The following KCNQ1 variants were observed in gnomAD, a reference collection of about 807,000 sequenced individuals.
The protein encoded by KCNQ1 is potassium voltage-gated channel subfamily Q member 1, also known as potassium voltage-gated channel subfamily KQT member 1.
A neutral mutation model predicts 72.4 loss-of-function variants in KCNQ1; 49 were observed. The ratio of observed to expected loss-of-function variants is 0.68; its 90% confidence interval spans 0.54 to 0.86. The LOEUF is 0.86. Ranked by LOEUF, KCNQ1 falls within the 40% of genes least tolerant of loss-of-function variation. The pLI is 0.00. For missense variants in KCNQ1, 790 were observed against 945.1 expected, an observed-to-expected ratio of 0.84 and a Z score of 2.15; for synonymous variants, 450 against 412.6, an observed-to-expected ratio of 1.09 and a Z score of -1.10.
intron 7 of KCNQ1, 31 bp downstream of exon 7, chr11:2,583,576 C>A: frequency 6.8e-7 from 1 of 1,476,654 alleles, no homozygotes; most frequent in South Asian, 1.1e-5. Context: ...TTTTCCCTGG[C>A]TCCTTGGACA....
chr11:2,589,296 G>C (rs866465173), intron 10 of KCNQ1, among the ~76,000 whole-genome samples: 1 of 152,234 alleles, frequency 6.6e-6, no homozygotes, highest in East Asian at 1.9e-4. Context: ...GTAAAACGTG[G>C]GGGGCCTGAC....
chr11:2,478,148 G>A lies in KCNQ1; in HGVS notation c.386+32664G>A, dbSNP rs1846599731. 6.6e-6 allele frequency among the ~76,000 whole-genome samples: 1 copy of A among 151,696 alleles called. No homozygotes were observed. The highest frequency in any genetic ancestry group is 2.4e-5 in the African/African-American group (1 of 41,286). On this transcript the variant is annotated intron_variant, in intron 1 of 15. Transcript: ENST00000155840. The surrounding 1 kb of genome is among the most constrained non-coding windows in gnomAD (Gnocchi z 4.0). ...TCCTGCCAAAGACACAGCTGTCCAG[G>A]GTCGAATCATCCGGAGACACAGGGC...
Position 2,620,199 on chromosome 11 carries a change from G to GTATATATATA in KCNQ1, c.1393+31349_1393+31358dup, listed in dbSNP as rs140322945. ...CTGCAAAGGACGTAAGTTCATTCAT[G>GTATATATATA]TATATATATATATTTTTTTTTTTTA... On this transcript the variant is annotated intron_variant, in intron 10 of 15. Transcript: ENST00000155840. The surrounding 1 kb of genome is among the most constrained non-coding windows in gnomAD (Gnocchi z 4.5). The GTATATATATA allele has an allele frequency of 8.5e-5, 25 of 295,270 alleles. No homozygotes were observed. Among genetic ancestry groups the GTATATATATA allele is most frequent in the Non-Finnish European group, 1.3e-4 (23 of 178,544 alleles). 18.3% of individuals were successfully genotyped at this position (295,270 alleles called of 1,614,324 possible). A position where few individuals can be genotyped will look rare whatever the true frequency, so the allele number is the denominator to read the frequency against.
chr11:2,779,522 GC>G (rs1000837133), intron 15 of KCNQ1, among the ~76,000 whole-genome samples: 16 of 151,960 alleles, frequency 1.1e-4, no homozygotes, highest in African/African-American at 3.6e-4. Flanking sequence ...AGTGTCGGTG[GC>G]CCTTTCTGGA....
At chr11:2,501,318 A>C (rs1847006749) in intron 1 of KCNQ1, among the ~76,000 whole-genome samples, 1 of 94,404 alleles carries the variant, frequency 1.1e-5, no homozygotes. Context: ...GATCCAAGTA[A>C]CTAAAGTCAG....
chr11:2,751,475 T>C (rs551377190), intron 11 of KCNQ1, among the ~76,000 whole-genome samples: 147 of 152,366 alleles, frequency 9.6e-4, no homozygotes, highest in South Asian at 8.9e-3. Context: ...CCCTCTCTCC[T>C]GACGCGGGGA....
intron 11 of KCNQ1, among the ~76,000 whole-genome samples, chr11:2,738,928 C>T (rs575709104): frequency 3.9e-5 from 6 of 152,166 alleles, no homozygotes; most frequent in African/African-American, 1.4e-4. Flanking sequence ...GGTGGGTGAG[C>T]GAGGTGCAGG....
rs1849209751 is a variant in KCNQ1 at position 2,623,541 on chromosome 11, C to T, written c.1393+34687C>T. The stretch of plus-strand genomic sequence containing the variant: ...TACAGTATGTAGTTTCTTCAGATTG[C>T]CTTATTTCACATAGTAATATGTTTT... On this transcript the variant is annotated intron_variant, in intron 10 of 15. Coordinates refer to ENST00000155840, the MANE Select transcript of KCNQ1 (RefSeq NM_000218.3). The surrounding 1 kb of genome is among the most constrained non-coding windows in gnomAD (Gnocchi z 5.2). 2.5e-6 allele frequency: 1 copy of T among 398,434 alleles called. No homozygotes were observed. Among genetic ancestry groups the T allele is most frequent in the African/African-American group, 2.1e-5 (1 of 48,608 alleles). 24.7% of individuals were successfully genotyped at this position (398,434 alleles called of 1,614,324 possible).
chr11:2,682,546 AG>A lies in KCNQ1; in HGVS notation c.1514+20469del. 1 of 398,536 alleles carries A rather than the reference AG, an allele frequency of 2.5e-6. No individual in the cohort carries two copies. Among genetic ancestry groups the A allele is most frequent in the Non-Finnish European group, 4.4e-6 (1 of 226,074 alleles). 24.7% of individuals were successfully genotyped at this position (398,536 alleles called of 1,614,324 possible). On this transcript the variant is annotated intron_variant, in intron 11 of 15. Transcript: ENST00000155840. This position sits in a 1 kb window ranked among gnomAD's most constrained non-coding sequence, Gnocchi z 5.8. Reference sequence around the variant, plus strand: ...TCAAACCAGGTGCTAGGACCCTGGCAGGGGTTCCATAAGGCTATGCTGGGGT... The same window carrying A: ...TCAAACCAGGTGCTAGGACCCTGGCAGGGTTCCATAAGGCTATGCTGGGGT...
chr11:2,579,545 C>T lies in KCNQ1; in HGVS notation c.922-3890C>T, dbSNP rs1327293067. 6.6e-6 allele frequency among the ~76,000 whole-genome samples: 1 copy of T among 152,216 alleles called. No individual in the cohort carries two copies. Among genetic ancestry groups the T allele is most frequent in the African/African-American group, 2.4e-5 (1 of 41,456 alleles). On this transcript the variant is annotated intron_variant, in intron 6 of 15. Coordinates refer to ENST00000155840, the MANE Select transcript of KCNQ1 (RefSeq NM_000218.3). The surrounding 1 kb of genome is among the most constrained non-coding windows in gnomAD (Gnocchi z 6.0). ...CAGCCCATTCCTGAGCTGCCTGTGT[C>T]TGAATGCAGGAAAAACAAACAGGTC...
intron 6 of KCNQ1, among the ~76,000 whole-genome samples, chr11:2,575,375 C>T (rs1456223402): frequency 6.6e-6 from 1 of 152,188 alleles, no homozygotes; most frequent in African/African-American, 2.4e-5. Flanking sequence ...GGGCCCCCCA[C>T]CGCCCAGGGC....
chr11:2,715,180 TGCCAC>T lies in KCNQ1; in HGVS notation c.1514+53100_1514+53104del, dbSNP rs1851071535. 6.6e-6 allele frequency among the ~76,000 whole-genome samples: 1 copy of T among 152,104 alleles called. No individual in the cohort carries two copies. Among genetic ancestry groups the T allele is most frequent in the African/African-American group, 2.4e-5 (1 of 41,424 alleles). On this transcript the variant is annotated intron_variant, in intron 11 of 15. Transcript: ENST00000155840. This position sits in a 1 kb window ranked among gnomAD's most constrained non-coding sequence, Gnocchi z 4.9. ...CATGAACCTCAGCATGGGCACCCCA[TGCCAC>T]CCGCTCCATTTACAGCCAAGGAGCC...
At chr11:2,672,925 C>A in intron 11 of KCNQ1, 1 of 398,722 alleles carries the variant, frequency 2.5e-6, no homozygotes, top group Non-Finnish European at 4.4e-6. Context: ...GCTGGCCATG[C>A]AGGCCCACCA....
chr11:2,839,002 G>C (rs879574366), intron 15 of KCNQ1, among the ~76,000 whole-genome samples: 1 of 125,876 alleles, frequency 7.9e-6, no homozygotes, highest in Non-Finnish European at 1.7e-5. Context: ...CCTGCCCGGG[G>C]TTGCACTAGG....
At chr11:2,609,720 T>C in intron 10 of KCNQ1, 1 of 398,410 alleles carries the variant, frequency 2.5e-6, no homozygotes. Flanking sequence ...GGTGAATATA[T>C]GTTTATAATC....
intron 10 of KCNQ1, among the ~76,000 whole-genome samples, chr11:2,589,575 C>T (rs36008556): frequency 0.15 from 22,576 of 152,166 alleles, 1,958 homozygotes; most frequent in South Asian, 0.24. Context: ...TCCAGCCACA[C>T]GGCGGGAATA....
intron 12 of KCNQ1, among the ~76,000 whole-genome samples, chr11:2,774,335 G>A (rs1216730747): frequency 2.0e-5 from 3 of 152,172 alleles, no homozygotes; most frequent in Non-Finnish European, 4.4e-5. Flanking sequence ...GGGCAATGCC[G>A]GCGATCCTGG....
intron 1 of KCNQ1, among the ~76,000 whole-genome samples, chr11:2,456,938 CAAAA>C (rs58543586): frequency 0.011 from 581 of 52,064 alleles, 33 homozygotes; most frequent in Middle Eastern, 0.029. Context: ...GACTCGGTCT[CAAAA>C]AAAAAAAAAA....
rs559214764 is a variant in KCNQ1, at chr11:2,563,960, C to T, written c.478-6668C>T. Among the ~76,000 whole-genome samples, 6 of 152,302 alleles carry T rather than the reference C, an allele frequency of 3.9e-5. No homozygotes were observed. Among genetic ancestry groups the T allele is most frequent in the South Asian group, 2.1e-4 (1 of 4,824 alleles). The stretch of plus-strand genomic sequence containing the variant: ...GCTACAGATGACCACAGCTGGAGTG[C>T]GGCAGATACTCGGGGCCGCTGGGTG... On this transcript the variant is annotated intron_variant, in intron 2 of 15. Coordinates refer to ENST00000155840, the MANE Select transcript of KCNQ1 (RefSeq NM_000218.3). The surrounding 1 kb of genome is among the most constrained non-coding windows in gnomAD (Gnocchi z 7.4).
Sources: allele counts gnomAD v4.1 joint callset (sites outside exome capture counted in the v4.1 genomes callset), GRCh38; gene constraint gnomAD v4.1.1; non-coding constraint Gnocchi (gnomAD v3.1); transcripts MANE v1.5; gene names NCBI Gene and HGNC (gene_info 2026-07-23, HGNC 2026-07-21).